Variants in SMG6 observed in about 807,000 individuals in gnomAD.
SMG6 encodes SMG6 nonsense mediated mRNA decay factor.
A neutral mutation model predicts 142.2 loss-of-function variants in SMG6; 66 were observed. The observed-to-expected ratio is 0.46, with a 90% confidence interval of 0.38 to 0.57. The LOEUF (loss-of-function observed/expected upper bound fraction) is 0.57, where lower values mean the gene tolerates loss of function less well. Among genes scored for constraint, SMG6 ranks in the 20% least tolerant of loss-of-function variants. The pLI is 0.00. For synonymous variants in SMG6, 779 were observed against 702.4 expected (o/e 1.11, Z -1.72); for missense variants, 1,793 against 1,832.0 (o/e 0.98, Z 0.39).
intron 10 of SMG6, among the ~76,000 whole-genome samples, chr17:2,196,403 G>T (rs1287083123): frequency 2.0e-5 from 3 of 152,148 alleles, no homozygotes; most frequent in African/African-American, 7.2e-5. Flanking sequence ...GCTTCAGCCT[G>T]GGTGACAAAC....
At chr17:2,198,888 G>A (rs530406293) in intron 10 of SMG6, among the ~76,000 whole-genome samples, 6 of 149,692 alleles carry the variant, frequency 4.0e-5, no homozygotes, top group Admixed American at 1.3e-4. Flanking sequence ...GCCCAGTTGC[G>A]GCTCCTCACC....
chr17:2,211,012 G>T (rs2072838627), intron 10 of SMG6, among the ~76,000 whole-genome samples: 1 of 151,116 alleles, frequency 6.6e-6, no homozygotes, highest in African/African-American at 2.4e-5. Context: ...ACTTGAGAAG[G>T]ATCACCATGC....
chr17:2,087,183 G>A (rs1278814081), intron 13 of SMG6: 9 of 1,290,306 alleles, frequency 7.0e-6, no homozygotes, highest in African/African-American at 1.5e-5. Context: ...TACGTCACTG[G>A]CAAGAATTGT....
At chr17:2,109,102 C>T (rs1156276954) in intron 13 of SMG6, among the ~76,000 whole-genome samples, 1 of 152,196 alleles carries the variant, frequency 6.6e-6, no homozygotes, top group African/African-American at 2.4e-5. Flanking sequence ...AAGGCTATGA[C>T]ATCTATCTAG....
At chr17:2,210,236 G>A (rs1404214804) in intron 10 of SMG6, among the ~76,000 whole-genome samples, 1 of 151,628 alleles carries the variant, frequency 6.6e-6, no homozygotes, top group Non-Finnish European at 1.5e-5. Context: ...TCTGCTTCCT[G>A]GGGGGAACTT....
At chr17:2,289,078 CAAAAAA>C (rs34494754) in intron 6 of SMG6, among the ~76,000 whole-genome samples, 1 of 87,970 alleles carries the variant, frequency 1.1e-5, no homozygotes. Flanking sequence ...GACTCTGTCT[CAAAAAA>C]AAAAAAAAAA....
chr17:2,132,064 C>T (rs1190221875), intron 13 of SMG6, among the ~76,000 whole-genome samples: 1 of 151,868 alleles, frequency 6.6e-6, no homozygotes, highest in Non-Finnish European at 1.5e-5. Context: ...CAGAGCAAGA[C>T]TCTGTCTCCA....
chr17:2,158,091 T>A (rs1292811350), intron 13 of SMG6, among the ~76,000 whole-genome samples: 1 of 152,210 alleles, frequency 6.6e-6, no homozygotes, highest in East Asian at 1.9e-4. Context: ...GTTAATTTTT[T>A]AAATGGCATG....
chr17:2,303,241 C>G, intron 1 of SMG6: 1 of 1,034,172 alleles, frequency 9.7e-7, no homozygotes, highest in Non-Finnish European at 1.2e-6. Flanking sequence ...AAAGCGGTGG[C>G]CGGGGCAGGC....
Position 2,299,120 on chromosome 17 carries a change from GGTA to G in SMG6, c.1630_1632del (p.Tyr544del), listed in dbSNP as rs754182586. ...TGTCCTGACGGAGTCGGGTAGCCTG[GGTA>G]GTAAGGCCCTGGGTACACACCATTC... On this transcript the variant is annotated inframe_deletion, in exon 2 of 19. Transcript: ENST00000263073. The surrounding 1 kb of genome is among the most constrained non-coding windows in gnomAD (Gnocchi z 4.3). The G allele has an allele frequency of 6.2e-7, 1 of 1,614,010 alleles. No individual in the cohort carries two copies. The highest frequency in any genetic ancestry group is 1.7e-5 in the Admixed American group (1 of 60,014).
intron 4 of SMG6, among the ~76,000 whole-genome samples, chr17:2,295,844 C>T (rs887582408): frequency 6.6e-6 from 1 of 152,188 alleles, no homozygotes; most frequent in African/African-American, 2.4e-5. Flanking sequence ...CTTTCCTTTG[C>T]AGCCACTCCC....
intron 4 of SMG6, among the ~76,000 whole-genome samples, chr17:2,296,250 C>G (rs1166492818): frequency 2.6e-5 from 4 of 152,198 alleles, no homozygotes; most frequent in Admixed American, 2.6e-4. Context: ...ACTACAAACA[C>G]CAGCATACTG....
chr17:2,161,344 A>C (rs1225911983), intron 13 of SMG6, among the ~76,000 whole-genome samples: 1 of 151,816 alleles, frequency 6.6e-6, no homozygotes, highest in Non-Finnish European at 1.5e-5. Context: ...CCTCAGGTTG[A>C]TCAGCCTGCC....
intron 13 of SMG6, among the ~76,000 whole-genome samples, chr17:2,164,541 G>A (rs1242254168): frequency 1.3e-5 from 2 of 152,190 alleles, no homozygotes; most frequent in Non-Finnish European, 2.9e-5. Context: ...CCAGGAGGTG[G>A]AGGTTGCAGC....
At chr17:2,287,431 C>T (rs927044152) in intron 6 of SMG6, among the ~76,000 whole-genome samples, 4 of 152,142 alleles carry the variant, frequency 2.6e-5, no homozygotes, top group Non-Finnish European at 4.4e-5. Flanking sequence ...AATCAGAAGC[C>T]TTGCATGCTG....
intron 6 of SMG6, among the ~76,000 whole-genome samples, chr17:2,291,293 T>C (rs922829611): frequency 2.7e-5 from 4 of 150,694 alleles, no homozygotes; most frequent in Non-Finnish European, 5.9e-5. Flanking sequence ...ATCGCGCCAC[T>C]GCACTCCAGC....
chr17:2,253,783 G>A (rs1291029401), intron 8 of SMG6, among the ~76,000 whole-genome samples: 1 of 152,122 alleles, frequency 6.6e-6, no homozygotes, highest in Non-Finnish European at 1.5e-5. Flanking sequence ...TTCTATGATA[G>A]CACAAGTGAC....
At chr17:2,120,450 G>A (rs2069652356) in intron 13 of SMG6, among the ~76,000 whole-genome samples, 1 of 152,226 alleles carries the variant, frequency 6.6e-6, no homozygotes, top group South Asian at 2.1e-4. Flanking sequence ...AACTTCAGCT[G>A]GGCATGGGGG....
intron 8 of SMG6, among the ~76,000 whole-genome samples, chr17:2,251,098 A>G (rs1251661040): frequency 6.6e-6 from 1 of 151,188 alleles, no homozygotes; most frequent in Non-Finnish European, 1.5e-5. Context: ...CCTTACTGTC[A>G]TTTTTCCTGT....
Sources: allele counts gnomAD v4.1 joint callset (sites outside exome capture counted in the v4.1 genomes callset), GRCh38; gene constraint gnomAD v4.1.1; non-coding constraint Gnocchi (gnomAD v3.1); transcripts MANE v1.5; gene names NCBI Gene and HGNC (gene_info 2026-07-23, HGNC 2026-07-21).